The following PRKAR1B variants were observed in gnomAD, a reference collection of about 807,000 sequenced individuals.
PRKAR1B encodes the protein cAMP-dependent protein kinase type I-beta regulatory subunit.
PRKAR1B carries 22 observed loss-of-function variants against 46.5 expected under a neutral mutation model. That is an observed-to-expected ratio of 0.47 (90% CI 0.34 to 0.68). The LOEUF (loss-of-function observed/expected upper bound fraction) is 0.68. Ranked by LOEUF, PRKAR1B falls within the 30% of genes least tolerant of loss-of-function variation. PRKAR1B has a pLI of 0.01. For missense variants in PRKAR1B, 445 were observed against 535.6 expected, an observed-to-expected ratio of 0.83 and a Z score of 1.67; for synonymous variants, 259 against 217.7, an observed-to-expected ratio of 1.19 and a Z score of -1.67.
At chr7:598,055 G>A (rs963933836) in intron 6 of PRKAR1B, among the ~76,000 whole-genome samples, 10 of 152,182 alleles carry the variant, frequency 6.6e-5, no homozygotes, top group Non-Finnish European at 1.3e-4. Context: ...ACAGCACGTC[G>A]TGCTGCCAGG....
At chr7:719,218 T>C (rs932907192) in intron 1 of PRKAR1B, among the ~76,000 whole-genome samples, 3 of 152,054 alleles carry the variant, frequency 2.0e-5, no homozygotes, top group Non-Finnish European at 2.9e-5. Context: ...TTTTGTATTT[T>C]TAGTAGAGAC....
At chr7:554,786 A>G (rs905290804) in intron 9 of PRKAR1B, among the ~76,000 whole-genome samples, 4 of 150,450 alleles carry the variant, frequency 2.7e-5, no homozygotes, top group African/African-American at 7.3e-5. Context: ...CACGGATCCC[A>G]CAGAGCCGGA....
chr7:643,181 C>T (rs2128486018), intron 4 of PRKAR1B, among the ~76,000 whole-genome samples: 1 of 151,708 alleles, frequency 6.6e-6, no homozygotes, highest in South Asian at 2.1e-4. Flanking sequence ...CTTCCTGATA[C>T]TATATTCAGT....
chr7:624,904 A>T (rs1783303156), intron 4 of PRKAR1B, among the ~76,000 whole-genome samples: 1 of 152,256 alleles, frequency 6.6e-6, no homozygotes, highest in Non-Finnish European at 1.5e-5. Context: ...TGGCACCATC[A>T]GTTAACAGGA....
At chr7:664,369 C>T (rs1785787072) in intron 4 of PRKAR1B, among the ~76,000 whole-genome samples, 1 of 152,224 alleles carries the variant, frequency 6.6e-6, no homozygotes, top group Non-Finnish European at 1.5e-5. Context: ...TGAACACAGC[C>T]TCTGCCCTGG....
chr7:579,527 G>A (rs546083264), intron 8 of PRKAR1B, 150 bp from the exon 9 acceptor site: 16 of 1,072,500 alleles, frequency 1.5e-5, no homozygotes, highest in African/African-American at 6.3e-5. Flanking sequence ...AGATGAGGCC[G>A]TGACGCTGTC....
At chr7:563,277 C>T (rs1669170365) in intron 9 of PRKAR1B, among the ~76,000 whole-genome samples, 2 of 152,248 alleles carry the variant, frequency 1.3e-5, no homozygotes, top group Admixed American at 6.5e-5. Flanking sequence ...AAGTCCGCCC[C>T]AGGACCCCCT....
At chr7:715,936 C>T (rs1314959776) in intron 1 of PRKAR1B, among the ~76,000 whole-genome samples, 8 of 152,090 alleles carry the variant, frequency 5.3e-5, no homozygotes, top group South Asian at 2.1e-4. Context: ...AGGATGGTCT[C>T]GGTCTCCTGA....
upstream of PRKAR1B, chr7:727,359 C>A: frequency 9.2e-7 from 1 of 1,090,934 alleles, no homozygotes; most frequent in Non-Finnish European, 1.1e-6. Flanking sequence ...CCCACACTCT[C>A]ACCCCCACCT....
At chr7:589,589 C>A (rs1225141986) in intron 7 of PRKAR1B, among the ~76,000 whole-genome samples, 2 of 152,288 alleles carry the variant, frequency 1.3e-5, no homozygotes, top group East Asian at 3.9e-4. Flanking sequence ...GTCGGTGTGG[C>A]CTGCCTATGC....
At chr7:594,530 G>A (rs1297438387) in intron 7 of PRKAR1B, among the ~76,000 whole-genome samples, 2 of 152,156 alleles carry the variant, frequency 1.3e-5, no homozygotes, top group Non-Finnish European at 2.9e-5. Flanking sequence ...GAGTGGAGGG[G>A]TGCGGCCACC....
At chr7:692,660 G>A (rs1263075566) in intron 2 of PRKAR1B, among the ~76,000 whole-genome samples, 1 of 152,166 alleles carries the variant, frequency 6.6e-6, no homozygotes, top group Non-Finnish European at 1.5e-5. Context: ...CAGTCGCCCG[G>A]GAGAAACAGA....
Position 676,398 on chromosome 7 carries a change from G to A in PRKAR1B, c.440+831C>T, listed in dbSNP as rs117735680. Among the ~76,000 whole-genome samples, 717 of 152,276 alleles carry A rather than the reference G, an allele frequency of 4.7e-3. 54 individuals carry two copies. The East Asian group carries it at 0.12, about 26-fold the overall frequency. On this transcript the variant is annotated intron_variant, in intron 4 of 10. Transcript: ENST00000537384. ...TCAGGCCTCCGAGCTCCCGGCACAG[G>A]CAGGAGCCGCAGGAAAGGTACATCC...
chr7:718,305 TATACATAC>T (rs1204203203), intron 1 of PRKAR1B, among the ~76,000 whole-genome samples: 1 of 147,806 alleles, frequency 6.8e-6, no homozygotes, highest in African/African-American at 2.5e-5. Context: ...CATACACATA[TATACATAC>T]ATATATATGT....
At chr7:615,324 C>A (rs113958624) in intron 4 of PRKAR1B, among the ~76,000 whole-genome samples, 9,954 of 151,884 alleles carry the variant, frequency 0.066, 367 homozygotes, top group Middle Eastern at 0.099. Context: ...ACCCGGGAGG[C>A]TGAGGCAGGA....
intron 4 of PRKAR1B, among the ~76,000 whole-genome samples, chr7:670,275 C>T (rs550950830): frequency 6.6e-6 from 1 of 152,288 alleles, no homozygotes; most frequent in Admixed American, 6.5e-5. Flanking sequence ...CTTCATATTC[C>T]TCCTCCCTAG....
intron 9 of PRKAR1B, among the ~76,000 whole-genome samples, chr7:563,405 A>T (rs1308176301): frequency 6.6e-6 from 1 of 152,242 alleles, no homozygotes; most frequent in Non-Finnish European, 1.5e-5. Context: ...CACTGCTGAG[A>T]GCCCAGGCTG....
At chr7:665,875 G>A (rs1785888738) in intron 4 of PRKAR1B, among the ~76,000 whole-genome samples, 1 of 152,190 alleles carries the variant, frequency 6.6e-6, no homozygotes, top group Non-Finnish European at 1.5e-5. Context: ...AGATACGCGG[G>A]TGGGAGGAAG....
intron 4 of PRKAR1B, among the ~76,000 whole-genome samples, chr7:628,210 T>C (rs1304770341): frequency 6.6e-6 from 1 of 152,234 alleles, no homozygotes; most frequent in Non-Finnish European, 1.5e-5. Context: ...GACTCAGCGA[T>C]GGGCTCTGCG....
Sources: gnomAD v4.1 joint callset for allele counts (sites outside exome capture counted in the v4.1 genomes callset) on GRCh38, gnomAD v4.1.1 for gene constraint, MANE v1.5 for transcripts, NCBI Gene and HGNC (gene_info 2026-07-23, HGNC 2026-07-21) for gene names.